CLN3: variants seen among roughly 807,000 people sequenced by gnomAD.
CLN3 encodes CLN3 lysosomal/endosomal transmembrane protein, battenin.
In CLN3, 49 loss-of-function variants were observed where a neutral mutation model predicts 60.7. That is an observed-to-expected ratio of 0.81 (90% confidence interval 0.64 to 1.02). The LOEUF (loss-of-function observed/expected upper bound fraction) is 1.02. Among genes scored for constraint, CLN3 ranks in the 50% least tolerant of loss-of-function variants. The pLI is 0.00. For synonymous variants in CLN3, 256 were observed against 245.8 expected, an observed-to-expected ratio of 1.04 and a Z score of -0.39; for missense variants, 516 against 557.4, an observed-to-expected ratio of 0.93 and a Z score of 0.75.
At chr16:28,474,063 T>C (rs2045972506), downstream of CLN3, 1 of 152,050 alleles carries the variant, frequency 6.6e-6, no homozygotes, top group Non-Finnish European at 1.5e-5. Flanking sequence ...AGTTTAGAAG[T>C]TGGAGACCAG....
At chr16:28,482,792 C>T in intron 10 of CLN3, 120 bp from the exon 11 acceptor site, 5 of 1,028,808 alleles carry the variant, frequency 4.9e-6, no homozygotes, top group Non-Finnish European at 6.0e-6. Flanking sequence ...TTCCATGCCA[C>T]TGGATTGGAC....
chr16:28,491,595 A>G, intron 2 of CLN3, 35 bp from the exon 3 acceptor site: 1 of 1,612,844 alleles, frequency 6.2e-7, no homozygotes, highest in Non-Finnish European at 8.5e-7. Context: ...ACCCCCACCT[A>G]CTCTCAGGTG....
At position 28,489,822 on chromosome 16, in the gene CLN3, C is replaced by A. The variant is rs540902091; in HGVS notation, c.126-436G>T. On this transcript the variant is annotated intron_variant, in intron 3 of 15. Transcript: ENST00000636147. The stretch of plus-strand genomic sequence containing the variant: ...CTGTAATTCCAGCACTTTGAGGGGC[C>A]GAGGCGGGCGGATCGCCTGAGGTCA... Among the ~76,000 whole-genome samples, 3 of 151,950 alleles carry A rather than the reference C, an allele frequency of 2.0e-5. No homozygotes were observed. The South Asian group carries it at 6.2e-4, about 32-fold the overall frequency.
At chr16:28,482,224 A>G in intron 13 of CLN3, 26 bp from the exon 14 acceptor site, 1 of 1,600,488 alleles carries the variant, frequency 6.2e-7, no homozygotes, top group Non-Finnish European at 8.5e-7. Context: ...GGGGGAGGAG[A>G]GGAGGCTCCT....
downstream of CLN3, among the ~76,000 whole-genome samples, chr16:28,475,138 TACTC>T (rs1439119781): frequency 2.0e-5 from 3 of 151,912 alleles, no homozygotes; most frequent in Non-Finnish European, 4.4e-5. Context: ...CAGTCTTAGA[TACTC>T]AGGAGGCTGA....
chr16:28,482,549 G>A lies in CLN3; in HGVS notation c.838-4C>T. On this transcript the variant is annotated splice_polypyrimidine_tract_variant and splice_region_variant and intron_variant, in intron 11 of 15. Coordinates refer to ENST00000636147, the MANE Select transcript of CLN3 (RefSeq NM_001042432.2). ...GAACAATGTACCACAGCAGACCCTG[G>A]AAAAGGCAGAAGATATAAGCGGGGG... The A allele has an allele frequency of 6.2e-7, 1 of 1,614,168 alleles. No homozygotes were observed. The highest frequency in any genetic ancestry group is 2.2e-5 in the East Asian group (1 of 44,870).
rs776314679 is a variant in CLN3 at position 28,488,665 on chromosome 16, A to G, written c.223-3T>C. ...ATCGGCGTTGGGCCTGGGTCCACCT[A>G]ATGGGAGAAAAGCATGTCTTTCACC... On this transcript the variant is annotated splice_polypyrimidine_tract_variant and splice_region_variant and intron_variant, in intron 4 of 15. Coordinates refer to ENST00000636147, the MANE Select transcript of CLN3 (RefSeq NM_001042432.2). The G allele has an allele frequency of 6.8e-6, 11 of 1,613,946 alleles. No individual in the cohort carries two copies. Among genetic ancestry groups the G allele is most frequent in the Non-Finnish European group, 8.5e-7 (1 of 1,179,854 alleles).
chr16:28,487,806 C>A, intron 5 of CLN3, 65 bp from the exon 6 acceptor site: 3 of 1,352,102 alleles, frequency 2.2e-6, no homozygotes, highest in Non-Finnish European at 2.1e-6. Context: ...ACCACGTGGC[C>A]AAGGAGAGGC....
chr16:28,482,059 G>T, intron 14 of CLN3, 46 bp downstream of exon 14: 1 of 1,480,170 alleles, frequency 6.8e-7, no homozygotes, highest in South Asian at 1.2e-5. Context: ...TGGGAGCCAA[G>T]CTGGGAGCCA....
intron 9 of CLN3, chr16:28,484,836 A>G (rs985634596): frequency 6.6e-6 from 1 of 151,846 alleles, no homozygotes; most frequent in African/African-American, 2.4e-5. Context: ...CCTCCTGTAT[A>G]TATATATTTT....
At chr16:28,488,746 A>C in intron 4 of CLN3, 84 bp from the exon 5 acceptor site, 3 of 1,364,394 alleles carry the variant, frequency 2.2e-6, no homozygotes, top group Non-Finnish European at 3.2e-6. Context: ...CTCTGCCTTC[A>C]CTTGAAGGAT....
rs778887944 is a variant in CLN3, at chr16:28,482,557, A to G, written c.838-12T>C. ...TACCACAGCAGACCCTGGAAAAGGC[A>G]GAAGATATAAGCGGGGGGCCTGGAG... On this transcript the variant is annotated splice_polypyrimidine_tract_variant and intron_variant, in intron 11 of 15. Coordinates refer to ENST00000636147, the MANE Select transcript of CLN3 (RefSeq NM_001042432.2). 1 of 1,614,176 alleles carries G rather than the reference A, an allele frequency of 6.2e-7. No individual in the cohort carries two copies.
chr16:28,470,808 A>C (rs1347945528), downstream of CLN3, among the ~76,000 whole-genome samples: 1 of 145,322 alleles, frequency 6.9e-6, no homozygotes, highest in Non-Finnish European at 1.5e-5. Flanking sequence ...CACGGAGAAG[A>C]TCAGGGAAGC....
At chr16:28,478,842 C>T (rs1299588490) in intron 14 of CLN3, among the ~76,000 whole-genome samples, 7 of 152,078 alleles carry the variant, frequency 4.6e-5, no homozygotes, top group African/African-American at 1.4e-4. Context: ...TGCCTGCAGA[C>T]GTTGCCAAAC....
In CLN3 at chr16:28,482,197, A is replaced by G. The variant is rs2141702890; in HGVS notation, c.964T>C (p.Tyr322His). The stretch of plus-strand genomic sequence containing the variant: ...ACGCCAGCCTGGTACAGCATCTGGT[A>G]CCTGAGGTTAGGGTTGGGGGGAGGA... ...SLSHAQQYRWYQMLYQAGVFA... is the reference protein window; with the variant it reads ...SLSHAQQYRWHQMLYQAGVFA... Residue 322 changes from tyrosine (Y) to histidine (H), a missense_variant and splice_region_variant, in exon 14 of 16, where the codon TAC (tyrosine) becomes CAC (histidine). Physicochemically the swap from Tyr to His is moderately conservative, Grantham distance 83. Transcript: ENST00000636147. 4 of 1,612,534 alleles carry G rather than the reference A, an allele frequency of 2.5e-6. No homozygotes were observed. The highest frequency in any genetic ancestry group is 3.4e-6 in the Non-Finnish European group (4 of 1,179,416).
Position 28,491,749 on chromosome 16 carries a change from C to T in CLN3, c.11G>A (p.Cys4Tyr). 6.2e-7 allele frequency: 1 copy of T among 1,614,034 alleles called. No homozygotes were observed. The highest frequency in any genetic ancestry group is 8.5e-7 in the Non-Finnish European group (1 of 1,180,044). The change falls in exon 2 of 16, where the codon TGT (cysteine) becomes TAT (tyrosine). Residue 4 changes from cysteine (C) to tyrosine (Y), a missense_variant. By Grantham distance (194) the Cys-to-Tyr change is radical. Coordinates refer to ENST00000636147, the MANE Select transcript of CLN3 (RefSeq NM_001042432.2). ...CGAAAAGCGCCGCCGCGAGCCTGCA[C>T]AGCCTCCCATCGCATCAAGTTCAGG... MGGCAGSRRRFSDS... is the reference protein window; with the variant it reads MGGYAGSRRRFSDS...
chr16:28,491,629 C>T lies in CLN3; in HGVS notation c.47-69G>A, dbSNP rs758144907. ...TGCACGACCGCTCCTTGCGTGTCCT[C>T]CCGGGGCCGAGTCAGCTCTCATTCC... is the stretch of plus-strand genomic sequence containing the variant. On this transcript the variant is annotated intron_variant, in intron 2 of 15. Transcript: ENST00000636147. The T allele has an allele frequency of 3.1e-6, 5 of 1,613,500 alleles. 1 individual carries two copies. The highest frequency in any genetic ancestry group is 3.3e-5 in the Admixed American group (2 of 59,930).
At chr16:28,486,041 G>A (rs1370522359) in intron 9 of CLN3, among the ~76,000 whole-genome samples, 17 of 150,670 alleles carry the variant, frequency 1.1e-4, no homozygotes, top group African/African-American at 3.4e-4. Flanking sequence ...TCTGTCGCCC[G>A]GGCTGGAGTG....
Position 28,477,376 on chromosome 16 carries a change from G to A in CLN3, c.*140C>T. The stretch of plus-strand genomic sequence containing the variant: ...CTGGCCCCCCTGCAAGGGAAACAAG[G>A]CTTCAGCCCTTCCCTACTCCCAGAC... On this transcript the variant is annotated 3_prime_UTR_variant, in exon 16 of 16. Coordinates refer to ENST00000636147, the MANE Select transcript of CLN3 (RefSeq NM_001042432.2). 2 of 1,146,204 alleles carry A rather than the reference G, an allele frequency of 1.7e-6. No homozygotes were observed. Among genetic ancestry groups the A allele is most frequent in the Non-Finnish European group, 1.3e-6 (1 of 782,556 alleles). 71.0% of individuals were successfully genotyped at this position (1,146,204 alleles called of 1,614,324 possible).
Sources: allele counts gnomAD v4.1 joint callset (sites outside exome capture counted in the v4.1 genomes callset), GRCh38; gene constraint gnomAD v4.1.1; transcripts MANE v1.5; gene names NCBI Gene and HGNC (gene_info 2026-07-23, HGNC 2026-07-21).